RPGR: variants seen among roughly 807,000 people sequenced by gnomAD.
The protein encoded by RPGR is X-linked retinitis pigmentosa GTPase regulator.
Under a neutral mutation model 56.3 loss-of-function variants are expected in RPGR, and 10 were observed. That is an observed-to-expected ratio of 0.18 (90% CI 0.11 to 0.30). The LOEUF is 0.30. Among genes scored for constraint, RPGR ranks in the 10% least tolerant of loss-of-function variants. The pLI, the probability that RPGR is intolerant of heterozygous loss-of-function variation, is 1.00. For synonymous variants in RPGR, 197 were observed against 212.9 expected (o/e 0.93, Z 0.65); for missense variants, 538 against 590.9 (o/e 0.91, Z 0.93).
chrX:38,309,645 T>C (rs2067673467), intron 7 of RPGR, among the ~76,000 whole-genome samples: 1 of 112,115 alleles, frequency 8.9e-6, no homozygotes, highest in Admixed American at 9.4e-5. Flanking sequence ...CTTGCCAACA[T>C]GGCGAAACCC....
chrX:38,312,701 T>C (rs886997100), intron 6 of RPGR, among the ~76,000 whole-genome samples: 1 of 111,632 alleles, frequency 9.0e-6, no homozygotes, highest in African/African-American at 3.3e-5. Flanking sequence ...CCCAGCAGTT[T>C]GGGAGGCCGA....
chrX:38,290,546 C>T (rs1231642911), intron 13 of RPGR, among the ~76,000 whole-genome samples: 1 of 111,859 alleles, frequency 8.9e-6, no homozygotes, highest in Non-Finnish European at 1.9e-5. Flanking sequence ...AATTTTAAAA[C>T]TAAAAAAGAT....
chrX:38,274,529 C>T (rs1280055693), intron 17 of RPGR, among the ~76,000 whole-genome samples: 1 of 112,406 alleles, frequency 8.9e-6, no homozygotes, highest in Non-Finnish European at 1.9e-5. Context: ...AATTCCTTAA[C>T]ACCAGCCGGG....
chrX:38,289,595 C>G (rs974841325), intron 13 of RPGR, among the ~76,000 whole-genome samples: 1 of 111,719 alleles, frequency 9.0e-6, no homozygotes, highest in African/African-American at 3.3e-5. Context: ...GGAAGAGGTT[C>G]CTATTGTGCC....
At chrX:38,326,326 A>G (rs898595756) in intron 1 of RPGR, among the ~76,000 whole-genome samples, 5 of 112,132 alleles carry the variant, frequency 4.5e-5, no homozygotes, top group Admixed American at 3.8e-4. Context: ...GAAAACATAC[A>G]TATTTCAGTG....
chrX:38,279,343 T>C (rs1332748820), intron 15 of RPGR: 3 of 254,221 alleles, frequency 1.2e-5, no homozygotes, highest in Non-Finnish European at 2.2e-5. Context: ...AAGAAGTGAA[T>C]GGGCCTGACC....
chrX:38,303,888 C>T (rs1032782176), intron 8 of RPGR: 14 of 291,272 alleles, frequency 4.8e-5, no homozygotes, highest in Non-Finnish European at 7.8e-5. Flanking sequence ...TGATTTCTGA[C>T]TTTCCAATGC....
chrX:38,301,876 C>G (rs1471646054), intron 8 of RPGR, among the ~76,000 whole-genome samples: 1 of 110,778 alleles, frequency 9.0e-6, no homozygotes, highest in Non-Finnish European at 1.9e-5. Context: ...GGCCTCCACC[C>G]ACTAAATGCC....
intron 13 of RPGR, among the ~76,000 whole-genome samples, chrX:38,289,833 G>C (rs1325084714): frequency 8.9e-6 from 1 of 112,204 alleles, no homozygotes; most frequent in Non-Finnish European, 1.9e-5. Flanking sequence ...CCTAAGAGAG[G>C]AAGGCCCAGT....
At chrX:38,308,699 C>T (rs778636630) in intron 7 of RPGR, among the ~76,000 whole-genome samples, 8 of 110,800 alleles carry the variant, frequency 7.2e-5, no homozygotes, top group Non-Finnish European at 1.3e-4. Flanking sequence ...AGAATATTTT[C>T]GAAATTATAT....
intron 15 of RPGR, among the ~76,000 whole-genome samples, chrX:38,280,177 T>A (rs11798410): frequency 0.14 from 14,961 of 110,773 alleles, 906 homozygotes; most frequent in Middle Eastern, 0.24. Context: ...CAGAGAAAAA[T>A]AACATGAGCA....
At position 38,310,704 on chromosome X, in the gene RPGR, C is replaced by G; in HGVS notation, c.689G>C (p.Gly230Ala). The change falls in exon 7 of 19, where the codon GGC becomes GCC. Residue 230 changes from glycine (G) to alanine (A), a missense_variant. Gly to Ala is a moderately conservative substitution (Grantham distance 60). Coordinates refer to ENST00000642395, the MANE Select transcript of RPGR (RefSeq NM_000328.3). ...CACCAGCTGGGGTGTTCTGTGATTG[C>G]CCAGGAGCTGATTGGGAAGACCTAA... 8.3e-7 allele frequency: 1 copy of G among 1,210,259 alleles called. No homozygotes were observed.
chrX:38,312,908 A>C (rs1175711523), intron 6 of RPGR, among the ~76,000 whole-genome samples: 1 of 108,416 alleles, frequency 9.2e-6, no homozygotes, highest in African/African-American at 3.4e-5. Flanking sequence ...ATGCCACTGC[A>C]CTCCAGCCTG....
At chrX:38,311,085 G>T (rs1332104613) in intron 6 of RPGR, among the ~76,000 whole-genome samples, 1 of 112,453 alleles carries the variant, frequency 8.9e-6, no homozygotes, top group East Asian at 2.8e-4. Flanking sequence ...CATGAATTTT[G>T]TCTTGCTCCC....
At chrX:38,284,477 C>A in intron 15 of RPGR, 1 of 750,140 alleles carries the variant, frequency 1.3e-6, no homozygotes, top group African/African-American at 2.3e-5. Context: ...ACAGAACAGT[C>A]AGTGAATACA....
At chrX:38,315,891 CTATA>C (rs750286071) in intron 6 of RPGR, among the ~76,000 whole-genome samples, 2 of 105,889 alleles carry the variant, frequency 1.9e-5, no homozygotes, top group Non-Finnish European at 3.9e-5. Flanking sequence ...GTAGTACCCA[CTATA>C]TATATATTAT....
intron 6 of RPGR, among the ~76,000 whole-genome samples, chrX:38,316,262 A>C (rs930940907): frequency 9.2e-6 from 1 of 109,078 alleles, no homozygotes; most frequent in African/African-American, 3.4e-5. Flanking sequence ...TATGTGAATT[A>C]TATCTCAATA....
At chrX:38,282,954 A>G (rs2067058035) in intron 15 of RPGR, among the ~76,000 whole-genome samples, 1 of 112,061 alleles carries the variant, frequency 8.9e-6, no homozygotes, top group South Asian at 3.8e-4. Flanking sequence ...AAAAGCCTGA[A>G]CAACCAGCAG....
chrX:38,269,779 G>T lies in RPGR; in HGVS notation c.2295C>A (p.Asn765Lys). Residue 765 changes from asparagine (N) to lysine (K), a missense_variant, in exon 19 of 19, where the codon AAC becomes AAA. By Grantham distance (94) the Asn-to-Lys change is moderately conservative. Around this residue, in one of 2 missense-constraint regions of RPGR, gnomAD observed 357 missense variants for 325.8 expected, o/e 1.10. Transcript: ENST00000642395. Reference sequence around the variant, plus strand: ...ATTTTATCTCTGGGAGCGGCTCATTGTTATTCTTGACAATCTTTTGATTTA... The same window carrying T: ...ATTTTATCTCTGGGAGCGGCTCATTTTTATTCTTGACAATCTTTTGATTTA... 1 of 1,209,910 alleles carries T rather than the reference G, an allele frequency of 8.3e-7. No homozygotes were observed. Among genetic ancestry groups the T allele is most frequent in the South Asian group, 1.8e-5 (1 of 56,905 alleles).
Sources: gnomAD v4.1 joint callset for allele counts (sites outside exome capture counted in the v4.1 genomes callset) on GRCh38, gnomAD v4.1.1 for gene constraint, gnomAD v4.1.1 regional missense constraint, MANE v1.5 for transcripts, NCBI Gene and HGNC (gene_info 2026-07-23, HGNC 2026-07-21) for gene names.